RPN1: variants seen among roughly 807,000 people sequenced by gnomAD.
RPN1 encodes dolichyl-diphosphooligosaccharide--protein glycosyltransferase subunit 1.
A neutral mutation model predicts 55.5 loss-of-function variants in RPN1; 12 were observed. The ratio of observed to expected loss-of-function variants is 0.22; its 90% confidence interval spans 0.14 to 0.35. RPN1 has a LOEUF of 0.35. Among genes scored for constraint, RPN1 ranks in the 10% least tolerant of loss-of-function variants. The pLI is 1.00. For synonymous variants in RPN1, 317 were observed against 305.9 expected, an observed-to-expected ratio of 1.04 and a Z score of -0.38; for missense variants, 679 against 761.3, an observed-to-expected ratio of 0.89 and a Z score of 1.27.
At chr3:128,636,965 C>T (rs2069686035) in intron 3 of RPN1, among the ~76,000 whole-genome samples, 1 of 152,130 alleles carries the variant, frequency 6.6e-6, no homozygotes, top group South Asian at 2.1e-4. Context: ...GGCCAGGGAC[C>T]ATGGCTCATG....
intron 9 of RPN1, among the ~76,000 whole-genome samples, chr3:128,621,473 G>A (rs562666243): frequency 5.9e-4 from 90 of 152,290 alleles, no homozygotes; most frequent in African/African-American, 2.0e-3. Flanking sequence ...CAGCATGGGC[G>A]ACAGAGTGAA....
At chr3:128,621,952 G>C (rs1469396937) in intron 9 of RPN1, among the ~76,000 whole-genome samples, 2 of 152,216 alleles carry the variant, frequency 1.3e-5, no homozygotes, top group African/African-American at 4.8e-5. Flanking sequence ...GACGAGGCTA[G>C]CAGAGCTTCC....
chr3:128,630,982 G>A lies in RPN1; in HGVS notation c.844-839C>T, dbSNP rs1267146678. ...CAAAAAATTAGCTGGGCATGGTGGC[G>A]GGCGCCTGTAGTCCCAGCTACTCGG... On this transcript the variant is annotated intron_variant, in intron 4 of 9. Coordinates refer to ENST00000296255, the MANE Select transcript of RPN1 (RefSeq NM_002950.4). 5.9e-5 allele frequency among the ~76,000 whole-genome samples: 9 copies of A among 151,682 alleles called. No homozygotes were observed. The Middle Eastern group carries it at 0.014, about 229-fold the overall frequency.
Position 128,631,945 on chromosome 3 carries a change from T to C in RPN1, c.843+3A>G, listed in dbSNP as rs767649075. 4 of 1,614,128 alleles carry C rather than the reference T, an allele frequency of 2.5e-6. No homozygotes were observed. Among genetic ancestry groups the C allele is most frequent in the Middle Eastern group, 1.7e-4 (1 of 6,060 alleles). On this transcript the variant is annotated splice_donor_region_variant and intron_variant, in intron 4 of 9. Coordinates refer to ENST00000296255, the MANE Select transcript of RPN1 (RefSeq NM_002950.4). ...CACAATGTCCAAGTTGAACATTCCA[T>C]ACCTTAAAAGAACGGATGGAGGATA...
Position 128,620,729 on chromosome 3 carries a change from C to T in RPN1, c.1642-136G>A, listed in dbSNP as rs73864841. 3.1e-3 allele frequency: 2,831 copies of T among 923,708 alleles called. 52 individuals carry two copies. In the African/African-American group the frequency reaches 0.039, roughly 13 times the overall value. 57.2% of individuals were successfully genotyped at this position (923,708 alleles called of 1,614,324 possible). On this transcript the variant is annotated intron_variant, in intron 9 of 9. Transcript: ENST00000296255. ...CAAATGCAGCCAACAGCACAGTGTC[C>T]CAGGGCAGCAGGGCTGGCTATGGAG... is the stretch of plus-strand genomic sequence containing the variant.
chr3:128,644,542 C>T, intron 2 of RPN1: 1 of 438,772 alleles, frequency 2.3e-6, no homozygotes, highest in Non-Finnish European at 4.4e-6. Context: ...TACCTCTAGT[C>T]CCACCTATTT....
intron 1 of RPN1, 147 bp from the exon 2 acceptor site, chr3:128,645,130 T>C (rs2069756850): frequency 1.0e-5 from 6 of 590,666 alleles, no homozygotes; most frequent in Non-Finnish European, 1.8e-5. Context: ...TCAGTAACAA[T>C]TTTTTTTTCT....
intron 2 of RPN1, among the ~76,000 whole-genome samples, chr3:128,638,502 CAG>C (rs1434858311): frequency 1.3e-5 from 2 of 151,860 alleles, no homozygotes; most frequent in African/African-American, 2.4e-5. Flanking sequence ...TTTTTTGAGA[CAG>C]AGTGTTGCTC....
At chr3:128,648,625 C>T (rs904037549) in intron 1 of RPN1, among the ~76,000 whole-genome samples, 1 of 152,076 alleles carries the variant, frequency 6.6e-6, no homozygotes, top group Non-Finnish European at 1.5e-5. Context: ...CAGTTTCCAA[C>T]ACAACTGTTG....
chr3:128,629,040 A>G (rs1383280123), intron 5 of RPN1, among the ~76,000 whole-genome samples: 1 of 152,200 alleles, frequency 6.6e-6, no homozygotes, highest in East Asian at 1.9e-4. Flanking sequence ...AGAGATATAC[A>G]CTTGGGTGAT....
At chr3:128,648,334 G>A (rs1398580525) in intron 1 of RPN1, among the ~76,000 whole-genome samples, 2 of 152,122 alleles carry the variant, frequency 1.3e-5, no homozygotes, top group African/African-American at 4.8e-5. Context: ...GGCAGAGGTT[G>A]CAGTGAGCCG....
intron 5 of RPN1, 59 bp from the exon 6 acceptor site, chr3:128,626,891 G>T: frequency 6.8e-7 from 1 of 1,479,000 alleles, no homozygotes; most frequent in Non-Finnish European, 9.4e-7. Context: ...GGGCAGGAGA[G>T]AAAGAAGTAC....
chr3:128,645,772 G>A (rs964032515), intron 1 of RPN1, among the ~76,000 whole-genome samples: 8 of 152,156 alleles, frequency 5.3e-5, no homozygotes, highest in Admixed American at 4.6e-4. Context: ...AGCCGAGATT[G>A]CACCACCACT....
chr3:128,646,071 C>G (rs1214247914), intron 1 of RPN1, among the ~76,000 whole-genome samples: 1 of 151,546 alleles, frequency 6.6e-6, no homozygotes, highest in Non-Finnish European at 1.5e-5. Context: ...AGTGAAACCC[C>G]ATCTCTACTA....
At chr3:128,642,144 G>A (rs9873888) in intron 2 of RPN1, 50,752 of 151,994 alleles carry the variant, frequency 0.33, 8,777 homozygotes, top group Middle Eastern at 0.41. Context: ...GAGAGGGAGA[G>A]GAGTCTCTTA....
chr3:128,636,401 C>T (rs556150772), intron 3 of RPN1, among the ~76,000 whole-genome samples: 8 of 151,262 alleles, frequency 5.3e-5, no homozygotes, highest in East Asian at 3.9e-4. Context: ...GCAGAGGTTG[C>T]GGTTAGCTGA....
chr3:128,646,756 C>G (rs2069771647), intron 1 of RPN1, among the ~76,000 whole-genome samples: 1 of 151,512 alleles, frequency 6.6e-6, no homozygotes, highest in South Asian at 2.1e-4. Flanking sequence ...GGCCAATCAC[C>G]TGAGGTCAGG....
chr3:128,640,613 C>G lies in RPN1; in HGVS notation c.327-2508G>C, dbSNP rs574549381. Among the ~76,000 whole-genome samples, 30 of 152,280 alleles carry G rather than the reference C, an allele frequency of 2.0e-4. 1 individual carries two copies. Among genetic ancestry groups the G allele is most frequent in the African/African-American group, 6.0e-4 (25 of 41,554 alleles). On this transcript the variant is annotated intron_variant, in intron 2 of 9. Transcript: ENST00000296255. ...CACCCCACATGCAATTCAACAAAAC[C>G]TTATCATTCATGATCCCAAGTCTTG...
At chr3:128,623,277 C>A (rs1169629013) in intron 8 of RPN1, among the ~76,000 whole-genome samples, 1 of 152,126 alleles carries the variant, frequency 6.6e-6, no homozygotes, top group Non-Finnish European at 1.5e-5. Flanking sequence ...TGGCTCACAC[C>A]TGTAATCCCA....
Sources: allele counts gnomAD v4.1 joint callset (sites outside exome capture counted in the v4.1 genomes callset), GRCh38; gene constraint gnomAD v4.1.1; transcripts MANE v1.5; gene names NCBI Gene and HGNC (gene_info 2026-07-23, HGNC 2026-07-21).